Variants in IL31RA observed in about 807,000 individuals in gnomAD.
IL31RA encodes interleukin-31 receptor subunit alpha.
IL31RA carries 66 observed loss-of-function variants against 83.7 expected under a neutral mutation model. The observed-to-expected ratio is 0.79, with a 90% confidence interval of 0.65 to 0.97. The LOEUF (loss-of-function observed/expected upper bound fraction) is 0.97, where lower values mean the gene tolerates loss of function less well. Ranked by LOEUF, IL31RA falls within the 50% of genes least tolerant of loss-of-function variation. The pLI is 0.00. For missense variants in IL31RA, 798 were observed against 919.4 expected, an observed-to-expected ratio of 0.87 and a Z score of 1.71; for synonymous variants, 325 against 329.0, an observed-to-expected ratio of 0.99 and a Z score of 0.13.
At chr5:55,847,947 T>C (rs747602964), upstream of IL31RA, among the ~76,000 whole-genome samples, 1 of 152,220 alleles carries the variant, frequency 6.6e-6, no homozygotes, top group South Asian at 2.1e-4. Context: ...TTTTCTGATG[T>C]TTTCCTCATT....
At chr5:55,893,050 T>C (rs952956684) in intron 6 of IL31RA, among the ~76,000 whole-genome samples, 2 of 152,242 alleles carry the variant, frequency 1.3e-5, no homozygotes, top group African/African-American at 2.4e-5. Context: ...ACCTCTCTAA[T>C]TGTTTCAAAA....
intron 11 of IL31RA, chr5:55,909,027 C>A: frequency 2.6e-6 from 1 of 380,506 alleles, no homozygotes; most frequent in Non-Finnish European, 3.7e-6. Context: ...AGCCCTATAC[C>A]CATTCATTAG....
chr5:55,872,428 C>T lies in IL31RA; in HGVS notation c.431C>T (p.Thr144Ile). 1 of 1,604,750 alleles carries T rather than the reference C, an allele frequency of 6.2e-7. No homozygotes were observed. The highest frequency in any genetic ancestry group is 8.5e-7 in the Non-Finnish European group (1 of 1,171,828). Residue 144 changes from threonine to isoleucine, a missense_variant, in exon 4 of 15, where the codon ACA becomes ATA. Transcript: ENST00000652347. ...NGDGVIKSHM[T>I]YWRLENIAKT... ...GATGGTGTAATTAAATCTCATATGA[C>T]ATACTGGAGATTAGAGAACATAGGT...
chr5:55,841,692 A>G, the IL31RA span, among the ~76,000 whole-genome samples: 2 of 152,188 alleles, frequency 1.3e-5, no homozygotes, highest in Non-Finnish European at 2.9e-5. Context: ...TTTGTTTCAC[A>G]TTCCCATGTG....
intron 6 of IL31RA, among the ~76,000 whole-genome samples, chr5:55,891,084 C>A (rs2112477421): frequency 6.6e-6 from 1 of 152,254 alleles, no homozygotes; most frequent in East Asian, 1.9e-4. Flanking sequence ...AGTAGATATT[C>A]ACTAACTGCT....
chr5:55,859,555 G>A lies in IL31RA; in HGVS notation c.110G>A (p.Trp37Ter), dbSNP rs560620876. The change falls in exon 2 of 15, where the codon TGG (tryptophan) becomes TAG (stop). Residue 37 changes from tryptophan (W) to a stop codon, truncating the protein, a stop_gained. Coordinates refer to ENST00000652347, the MANE Select transcript of IL31RA (RefSeq NM_139017.7). LOFTEE classifies it high-confidence loss of function. ...GTTAACCTGGGGATGATGTGGACCTGGGCACTGTGGATGCTCCCCTCACTC... is the reference window on the plus strand; with the variant it reads ...GTTAACCTGGGGATGATGTGGACCTAGGCACTGTGGATGCTCCCCTCACTC... ...SCVNLGMMWT[W>*]ALWMLPSLCK... 2 of 1,612,970 alleles carry A rather than the reference G, an allele frequency of 1.2e-6. No individual in the cohort carries two copies. The highest frequency in any genetic ancestry group is 3.3e-5 in the Admixed American group (2 of 59,974).
intron 6 of IL31RA, among the ~76,000 whole-genome samples, chr5:55,895,234 C>T (rs780760123): frequency 1.6e-4 from 25 of 152,300 alleles, no homozygotes; most frequent in Non-Finnish European, 2.6e-4. Context: ...TTCTCCAAAT[C>T]GTGGGCCGCT....
the IL31RA span, among the ~76,000 whole-genome samples, chr5:55,845,009 G>A: frequency 6.6e-6 from 1 of 152,012 alleles, no homozygotes. Flanking sequence ...ATCTGTTCTT[G>A]CAAATTGTCT....
chr5:55,858,787 T>C (rs765191139), intron 1 of IL31RA, among the ~76,000 whole-genome samples: 1 of 152,202 alleles, frequency 6.6e-6, no homozygotes, highest in Non-Finnish European at 1.5e-5. Context: ...AATAAACAAG[T>C]AAATGCCACA....
chr5:55,884,294 T>C (rs938273887), intron 5 of IL31RA, among the ~76,000 whole-genome samples: 4 of 152,206 alleles, frequency 2.6e-5, no homozygotes, highest in Admixed American at 2.0e-4. Context: ...ATGGTTAGAG[T>C]TTTATCAGTC....
intron 6 of IL31RA, among the ~76,000 whole-genome samples, chr5:55,893,809 ATTTTTTTTTT>A (rs66540216): frequency 7.9e-6 from 1 of 125,926 alleles, no homozygotes; most frequent in African/African-American, 3.2e-5. Context: ...CTATGAGATA[ATTTTTTTTTT>A]TTTTTTTTTT....
chr5:55,881,078 G>A (rs1348697481), intron 4 of IL31RA, among the ~76,000 whole-genome samples: 2 of 152,000 alleles, frequency 1.3e-5, no homozygotes, highest in Non-Finnish European at 2.9e-5. Context: ...TGAGGCGGGC[G>A]GATCACGAGG....
At chr5:55,852,500 C>A (rs1745124537) in intron 1 of IL31RA, among the ~76,000 whole-genome samples, 1 of 152,152 alleles carries the variant, frequency 6.6e-6, no homozygotes, top group Non-Finnish European at 1.5e-5. Flanking sequence ...TAATTATAAT[C>A]TTCTAGGTAA....
In IL31RA at chr5:55,917,433, G is replaced by A; in HGVS notation, c.*313G>A. On this transcript the variant is annotated 3_prime_UTR_variant, in exon 15 of 15. Coordinates refer to ENST00000652347, the MANE Select transcript of IL31RA (RefSeq NM_139017.7). Reference sequence around the variant, plus strand: ...AAGGGCCCAGGTTCTGAGCCCAAAGGACCCCCAGGGTGGACATATCTGGCC... The same window carrying A: ...AAGGGCCCAGGTTCTGAGCCCAAAGAACCCCCAGGGTGGACATATCTGGCC... The A allele has an allele frequency of 1.2e-6, 1 of 821,940 alleles. No homozygotes were observed. The highest frequency in any genetic ancestry group is 1.6e-6 in the Non-Finnish European group (1 of 608,050). The allele number at this position is 821,940 out of a possible 1,614,324, so 50.9% of individuals were successfully genotyped here. A position where few individuals can be genotyped will look rare whatever the true frequency, so the allele number is the denominator to read the frequency against.
At chr5:55,891,761 A>ATTTTT (rs35672011) in intron 6 of IL31RA, among the ~76,000 whole-genome samples, 8,294 of 60,008 alleles carry the variant, frequency 0.14, 2,398 homozygotes, top group Non-Finnish European at 0.16. Context: ...TTTGGACAAG[A>ATTTTT]TTTTTTTTTT....
chr5:55,872,621 GGGAA>G (rs1267893018), intron 4 of IL31RA, among the ~76,000 whole-genome samples, 170 bp downstream of exon 4: 2 of 121,652 alleles, frequency 1.6e-5, no homozygotes, highest in African/African-American at 3.0e-5. Context: ...GGGGGAAGGA[GGGAA>G]GGAAGGAAGG....
intron 4 of IL31RA, 56 bp downstream of exon 4, chr5:55,872,507 T>TTGAACAGAGAAGGA: frequency 1.2e-6 from 1 of 863,538 alleles, no homozygotes; most frequent in Non-Finnish European, 1.7e-6. Flanking sequence ...CCTCCTTCTC[T>TTGAACAGAGAAGGA]GTTCAAGAGG....
chr5:55,885,412 C>A (rs935698962), intron 5 of IL31RA, among the ~76,000 whole-genome samples: 7 of 152,166 alleles, frequency 4.6e-5, no homozygotes, highest in East Asian at 1.9e-4. Flanking sequence ...GAAAAAAATT[C>A]TCAGCAAAGC....
rs1750133036 is a variant in IL31RA at position 55,922,341 on chromosome 5, C to T, written c.*5221C>T. 16 of 1,466,212 alleles carry T rather than the reference C, an allele frequency of 1.1e-5. No individual in the cohort carries two copies. The highest frequency in any genetic ancestry group is 8.4e-6 in the Non-Finnish European group (9 of 1,069,914). The allele number at this position is 1,466,212 out of a possible 1,614,324, so 90.8% of individuals were successfully genotyped here. ...AGGGCAAAACCTGCTGTCAGCAATGCTCTCGTGGCTGTTCAAGGGAAGTGA... is the reference window on the plus strand; with the variant it reads ...AGGGCAAAACCTGCTGTCAGCAATGTTCTCGTGGCTGTTCAAGGGAAGTGA... On this transcript the variant is annotated 3_prime_UTR_variant, in exon 15 of 15. Coordinates refer to ENST00000652347, the MANE Select transcript of IL31RA (RefSeq NM_139017.7).
Sources: gnomAD v4.1 joint callset for allele counts (sites outside exome capture counted in the v4.1 genomes callset) on GRCh38, gnomAD v4.1.1 for gene constraint, MANE v1.5 for transcripts, NCBI Gene and HGNC (gene_info 2026-07-23, HGNC 2026-07-21) for gene names.